Variants in UBR3 observed in about 807,000 individuals in gnomAD.
UBR3 encodes the protein ubiquitin protein ligase E3 component n-recognin 3.
A neutral mutation model predicts 243.2 loss-of-function variants in UBR3; 85 were observed. The observed-to-expected ratio is 0.35, with a 90% CI of 0.29 to 0.42. The LOEUF (loss-of-function observed/expected upper bound fraction) is 0.42. Among genes scored for constraint, UBR3 ranks in the 10% least tolerant of loss-of-function variants. The pLI is 1.00. For missense variants in UBR3, 1,686 were observed against 2,300.8 expected, an observed-to-expected ratio of 0.73 and a Z score of 5.47; for synonymous variants, 748 against 799.8, an observed-to-expected ratio of 0.94 and a Z score of 1.09.
intron 6 of UBR3, among the ~76,000 whole-genome samples, chr2:169,892,685 A>G (rs752855105): frequency 1.3e-5 from 2 of 152,198 alleles, no homozygotes; most frequent in African/African-American, 4.8e-5. Flanking sequence ...TATTTTGAAG[A>G]TATCTGAAGT....
At chr2:169,976,455 A>T (rs1433284003) in intron 24 of UBR3, among the ~76,000 whole-genome samples, 1 of 152,088 alleles carries the variant, frequency 6.6e-6, no homozygotes, top group Non-Finnish European at 1.5e-5. Flanking sequence ...GTGGTGATGA[A>T]TTCCCTCAGT....
intron 1 of UBR3, among the ~76,000 whole-genome samples, chr2:169,838,442 TG>T (rs2082185933): frequency 8.5e-6 from 1 of 117,662 alleles, no homozygotes; most frequent in Non-Finnish European, 1.8e-5. Flanking sequence ...TGTGTGTGTG[TG>T]TGTGTCTGGT....
chr2:170,060,690 T>C (rs915018844), intron 33 of UBR3, among the ~76,000 whole-genome samples: 1 of 152,194 alleles, frequency 6.6e-6, no homozygotes, highest in Admixed American at 6.5e-5. Context: ...TCAGTCTTGC[T>C]GGTCATTTCT....
intron 1 of UBR3, among the ~76,000 whole-genome samples, chr2:169,856,199 C>T (rs1454113960): frequency 1.4e-5 from 2 of 141,686 alleles, no homozygotes; most frequent in African/African-American, 2.6e-5. Flanking sequence ...CAGACGGGGT[C>T]GCGGCCGGGC....
intron 35 of UBR3, among the ~76,000 whole-genome samples, chr2:170,067,485 G>C (rs1270922195): frequency 1.3e-5 from 2 of 152,066 alleles, no homozygotes; most frequent in Non-Finnish European, 2.9e-5. Context: ...TAGGATAAAA[G>C]AGACCTGAAC....
chr2:169,857,241 A>G (rs2082918580), intron 1 of UBR3, among the ~76,000 whole-genome samples: 1 of 149,890 alleles, frequency 6.7e-6, no homozygotes, highest in East Asian at 2.0e-4. Flanking sequence ...TGCCCAGCTA[A>G]TTTTTGTATT....
chr2:169,943,713 C>A (rs145467089), intron 20 of UBR3, among the ~76,000 whole-genome samples: 274 of 152,158 alleles, frequency 1.8e-3, no homozygotes, highest in African/African-American at 6.3e-3. Context: ...ACCTATTGTT[C>A]TTCTTCCTAA....
chr2:169,888,031 C>T (rs767185721), intron 5 of UBR3, among the ~76,000 whole-genome samples: 15 of 152,042 alleles, frequency 9.9e-5, no homozygotes, highest in Non-Finnish European at 2.1e-4. Flanking sequence ...CCACCTCTGC[C>T]TCCCAAAGTG....
intron 4 of UBR3, among the ~76,000 whole-genome samples, chr2:169,878,318 G>A (rs112355781): frequency 0.044 from 6,588 of 148,586 alleles, 166 homozygotes; most frequent in Middle Eastern, 0.069. Context: ...GTGAGATTGC[G>A]CCACTGCACT....
At chr2:169,941,592 A>G (rs975148481) in intron 19 of UBR3, among the ~76,000 whole-genome samples, 1 of 152,146 alleles carries the variant, frequency 6.6e-6, no homozygotes, top group African/African-American at 2.4e-5. Flanking sequence ...CATTCACCTA[A>G]CTTTTATTAC....
chr2:169,963,382 T>C (rs1574295999), intron 24 of UBR3, among the ~76,000 whole-genome samples: 1 of 152,212 alleles, frequency 6.6e-6, no homozygotes. Context: ...TCTGTCATCA[T>C]GTCTCTTTCT....
At chr2:170,040,769 C>A (rs973622361) in intron 31 of UBR3, 113 bp from the exon 32 acceptor site, 1 of 829,392 alleles carries the variant, frequency 1.2e-6, no homozygotes. Flanking sequence ...TACATTTCTT[C>A]TTTGTGTATT....
intron 24 of UBR3, among the ~76,000 whole-genome samples, chr2:169,969,221 T>TTTG (rs1183191697): frequency 1.3e-5 from 2 of 152,200 alleles, no homozygotes; most frequent in African/African-American, 4.8e-5. Flanking sequence ...TATTTTTGCT[T>TTTG]TTGTTGCTTG....
In UBR3 at chr2:169,948,478, T is replaced by C. The variant is rs2086873977; in HGVS notation, c.3084+763T>C. On this transcript the variant is annotated intron_variant, in intron 22 of 38. Transcript: ENST00000272793. ...ACTTTTAAAAAGCAGTAATGAAAAA[T>C]CTTGAAATGACATTGTAAGTAAGTA... Among the ~76,000 whole-genome samples the C allele has an allele frequency of 7.2e-5, 11 of 152,142 alleles. No individual in the cohort carries two copies. In the South Asian group the frequency reaches 2.3e-3, roughly 31 times the overall value.
At chr2:169,830,597 C>T (rs1330149538) in intron 1 of UBR3, among the ~76,000 whole-genome samples, 1 of 152,106 alleles carries the variant, frequency 6.6e-6, no homozygotes, top group Non-Finnish European at 1.5e-5. Flanking sequence ...TTTCTCTTTA[C>T]TGCCCCTACT....
intron 1 of UBR3, among the ~76,000 whole-genome samples, chr2:169,835,329 C>G (rs2082049038): frequency 6.6e-6 from 1 of 152,106 alleles, no homozygotes. Context: ...GGAATAGTCA[C>G]TGCACTCCAG....
intron 24 of UBR3, among the ~76,000 whole-genome samples, chr2:169,973,428 A>G (rs538188483): frequency 4.0e-5 from 6 of 150,892 alleles, no homozygotes; most frequent in African/African-American, 1.2e-4. Context: ...TAAAGTTCAT[A>G]TGGAACCAAA....
At chr2:170,075,549 G>A (rs2091789525) in intron 36 of UBR3, among the ~76,000 whole-genome samples, 1 of 152,114 alleles carries the variant, frequency 6.6e-6, no homozygotes, top group African/African-American at 2.4e-5. Flanking sequence ...AATTATTGTA[G>A]AGGCAGTGTA....
intron 23 of UBR3, among the ~76,000 whole-genome samples, chr2:169,958,048 A>G (rs2105367264): frequency 6.6e-6 from 1 of 152,026 alleles, no homozygotes; most frequent in African/African-American, 2.4e-5. Flanking sequence ...TTCTTCTAGC[A>G]ATCAGTTTAC....
Sources: allele counts gnomAD v4.1 joint callset (sites outside exome capture counted in the v4.1 genomes callset), GRCh38; gene constraint gnomAD v4.1.1; transcripts MANE v1.5; gene names NCBI Gene and HGNC (gene_info 2026-07-23, HGNC 2026-07-21).